Variants in MUC3A observed in about 807,000 individuals in gnomAD.
MUC3A encodes mucin-3A.
In MUC3A, 109 loss-of-function variants were observed where a neutral mutation model predicts 109.0. That is an observed-to-expected ratio of 1.00 (90% CI 0.86 to 1.17). The LOEUF is 1.17. Among genes scored for constraint, MUC3A ranks in the 50% most tolerant of loss-of-function variants. The pLI is 0.00. For missense variants in MUC3A, 3,537 were observed against 2,469.4 expected (o/e 1.43, Z -9.16); for synonymous variants, 1,398 against 981.4 (o/e 1.42, Z -7.93).
At chr7:100,962,304 G>C (rs1258725141) in intron 3 of MUC3A, among the ~76,000 whole-genome samples, 2 of 151,614 alleles carry the variant, frequency 1.3e-5, no homozygotes, top group South Asian at 4.2e-4. Context: ...TGTGGTCCCA[G>C]TTATTTGGAA....
chr7:100,953,581 T>A lies in MUC3A; in HGVS notation c.1802T>A (p.Phe601Tyr). 1 of 441,158 alleles carries A rather than the reference T, an allele frequency of 2.3e-6. No homozygotes were observed. Among genetic ancestry groups the A allele is most frequent in the Admixed American group, 4.0e-5 (1 of 24,910 alleles). 27.3% of individuals were successfully genotyped at this position (441,158 alleles called of 1,614,324 possible). A position where few individuals can be genotyped will look rare whatever the true frequency, so the allele number is the denominator to read the frequency against. The change falls in exon 2 of 12, where the codon TTC becomes TAC. Residue 601 changes from phenylalanine to tyrosine, a missense_variant. Phe to Tyr is a conservative substitution (Grantham distance 22, BLOSUM62 3). Transcript: ENST00000379458. ...AATTGTGQTT[F>Y]TSSTATFPET... The stretch of plus-strand genomic sequence containing the variant: ...ACTACAGGAACAGGTCAGACCACCT[T>A]CACCAGCTCTACAGCCACATTTCCT...
chr7:100,949,845 AGGGGGCGG>A (rs1791885539), intron 1 of MUC3A, among the ~76,000 whole-genome samples, 160 bp downstream of exon 1: 9 of 123,350 alleles, frequency 7.3e-5, no homozygotes, highest in South Asian at 5.2e-4. Context: ...TGACTGGGGG[AGGGGGCGG>A]TGAGGAGAGG....
chr7:100,952,571 T>A lies in MUC3A; in HGVS notation c.792T>A (p.Thr264=), dbSNP rs796687349. ...TSTSPITSSI[T]STNTVTSMTT... The stretch of plus-strand genomic sequence containing the variant: ...CTTCCCCCATCACTTCTTCAATCAC[T>A]TCCACAAATACAGTGACTTCTATGA... Residue 264 remains threonine (T), a synonymous_variant, in exon 2 of 12, where the codon ACT becomes ACA. Transcript: ENST00000379458. 5 of 1,598,486 alleles carry A rather than the reference T, an allele frequency of 3.1e-6. No individual in the cohort carries two copies. Among genetic ancestry groups the A allele is most frequent in the Non-Finnish European group, 4.2e-6 (5 of 1,179,742 alleles).
chr7:100,964,619 G>T (rs1358858503), intron 5 of MUC3A, 76 bp from the exon 6 acceptor site: 32 of 1,522,152 alleles, frequency 2.1e-5, no homozygotes, highest in Non-Finnish European at 2.6e-5. Context: ...TGCACTTTGG[G>T]TTGCTTCTGG....
At chr7:100,965,571 C>A in intron 7 of MUC3A, 133 bp from the exon 8 acceptor site, 1 of 1,474,500 alleles carries the variant, frequency 6.8e-7, no homozygotes. Flanking sequence ...TCATCGAATC[C>A]CAGGGTCTAC....
chr7:100,957,830 G>T lies in MUC3A; in HGVS notation c.6051G>T (p.Glu2017Asp). The T allele has an allele frequency of 3.6e-6, 3 of 834,384 alleles. No individual in the cohort carries two copies. The highest frequency in any genetic ancestry group is 4.1e-6 in the Non-Finnish European group (2 of 484,836). 51.7% of individuals were successfully genotyped at this position (834,384 alleles called of 1,614,324 possible). A position where few individuals can be genotyped will look rare whatever the true frequency, so the allele number is the denominator to read the frequency against. The change falls in exon 2 of 12, where the codon GAG becomes GAT. Residue 2017 changes from glutamate (E) to aspartate (D), a missense_variant. Physicochemically the swap from Glu to Asp is conservative, Grantham distance 45. Transcript: ENST00000379458. ...TCACTTCTTCCATCACCACCACTGAGACCACATCCCACAATACTCCCAGCT... is the reference window on the plus strand; with the variant it reads ...TCACTTCTTCCATCACCACCACTGATACCACATCCCACAATACTCCCAGCT... ...PSFTSSITTT[E>D]TTSHNTPSLT...
chr7:100,952,952 C>G lies in MUC3A; in HGVS notation c.1173C>G (p.Thr391=). ...TTPMTNLVTT[T]TEISSHSTPS... ...CTATGACAAACTTGGTAACCACCAC[C>G]ACTGAGATCTCCTCCCACAGTACTC... Residue 391 remains threonine (T), a synonymous_variant, in exon 2 of 12, where the codon ACC becomes ACG. Coordinates refer to ENST00000379458, the MANE Select transcript of MUC3A (RefSeq NM_005960.2). 6.3e-7 allele frequency: 1 copy of G among 1,589,182 alleles called. No homozygotes were observed.
Position 100,960,268 on chromosome 7 carries a change from A to G in MUC3A, c.8489A>G (p.Asp2830Gly). 1 of 1,598,548 alleles carries G rather than the reference A, an allele frequency of 6.3e-7. No homozygotes were observed. The highest frequency in any genetic ancestry group is 2.2e-5 in the East Asian group (1 of 44,890). Residue 2830 changes from aspartate (D) to glycine (G), a missense_variant, in exon 2 of 12, where the codon GAC becomes GGC. Physicochemically the swap from Asp to Gly is moderately conservative, Grantham distance 94. Coordinates refer to ENST00000379458, the MANE Select transcript of MUC3A (RefSeq NM_005960.2). ...SIQTTLTTYM[D>G]TSSMMPESES... Reference sequence around the variant, plus strand: ...CAAACTACTCTTACTACATATATGGACACTTCTTCCATGATGCCAGAAAGT... The same window carrying G: ...CAAACTACTCTTACTACATATATGGGCACTTCTTCCATGATGCCAGAAAGT...
intron 4 of MUC3A, among the ~76,000 whole-genome samples, chr7:100,963,480 T>A (rs967970173): frequency 5.3e-5 from 8 of 152,308 alleles, no homozygotes; most frequent in Non-Finnish European, 1.0e-4. Context: ...AGAGACGGGT[T>A]TTCACTATGT....
Position 100,954,024 on chromosome 7 carries a change from G to T in MUC3A, c.2245G>T (p.Val749Phe). The T allele has an allele frequency of 2.1e-6, 1 of 479,572 alleles. No individual in the cohort carries two copies. The allele number at this position is 479,572 out of a possible 1,614,324, so 29.7% of individuals were successfully genotyped here. Residue 749 changes from valine (V) to phenylalanine (F), a missense_variant, in exon 2 of 12, where the codon GTC (valine) becomes TTC (phenylalanine). Val to Phe is a conservative substitution (Grantham distance 50, BLOSUM62 -1). Coordinates refer to ENST00000379458, the MANE Select transcript of MUC3A (RefSeq NM_005960.2). The stretch of plus-strand genomic sequence containing the variant: ...CTCTCTTCCACCCACCTCTCCCTTG[G>T]TCTCAACTGCAAAAACAGCCAAAAC... ...ATSLPPTSPL[V>F]STAKTAKTPT... is the part of the protein sequence containing the mutation.
Position 100,967,417 on chromosome 7 carries a change from C to A in MUC3A, c.*255C>A, listed in dbSNP as rs1792637527. ...TCAGTAACGAGCCTCAGTTTCCTCACCTGCAAAACGGGTACAGCATTCCTG... is the reference window on the plus strand; with the variant it reads ...TCAGTAACGAGCCTCAGTTTCCTCAACTGCAAAACGGGTACAGCATTCCTG... On this transcript the variant is annotated 3_prime_UTR_variant, in exon 12 of 12. Transcript: ENST00000379458. The A allele has an allele frequency of 1.6e-5, 10 of 612,812 alleles. No homozygotes were observed. The highest frequency in any genetic ancestry group is 4.3e-4 in the Middle Eastern group (1 of 2,352). The allele number at this position is 612,812 out of a possible 1,614,324, so 38.0% of individuals were successfully genotyped here. A position where few individuals can be genotyped will look rare whatever the true frequency, so the allele number is the denominator to read the frequency against.
chr7:100,964,612 A>T (rs1438548568), intron 5 of MUC3A, 83 bp from the exon 6 acceptor site: 5 of 1,517,110 alleles, frequency 3.3e-6, no homozygotes, highest in Non-Finnish European at 4.4e-6. Context: ...CTTCTGGTGC[A>T]CTTTGGGTTG....
At position 100,959,275 on chromosome 7, in the gene MUC3A, C is replaced by T. The variant is rs747818386; in HGVS notation, c.7496C>T (p.Thr2499Ile). The change falls in exon 2 of 12, where the codon ACC becomes ATC. Residue 2499 changes from threonine to isoleucine, a missense_variant. Physicochemically the swap from Thr to Ile is moderately conservative, Grantham distance 89. Transcript: ENST00000379458. ...ACTCTCACCCCTTCGTCTGTGGGCACCAGCACTTCATTGACTACAACCACA... is the reference window on the plus strand; with the variant it reads ...ACTCTCACCCCTTCGTCTGTGGGCATCAGCACTTCATTGACTACAACCACA... ...LRTLTPSSVGTSTSLTTTTDF... is the reference protein window; with the variant it reads ...LRTLTPSSVGISTSLTTTTDF... The T allele has an allele frequency of 1.9e-6, 3 of 1,591,508 alleles. No individual in the cohort carries two copies. The highest frequency in any genetic ancestry group is 2.6e-6 in the Non-Finnish European group (3 of 1,175,650).
At chr7:100,963,874 A>G in intron 5 of MUC3A, 122 bp downstream of exon 5, 1 of 1,403,530 alleles carries the variant, frequency 7.1e-7, no homozygotes, top group Non-Finnish European at 9.8e-7. Context: ...GGGGGTACAT[A>G]AGGAATCACT....
intron 3 of MUC3A, 60 bp from the exon 4 acceptor site, chr7:100,963,091 T>TG: frequency 6.4e-7 from 1 of 1,558,688 alleles, no homozygotes; most frequent in Non-Finnish European, 8.6e-7. Context: ...GGTGGTGGTG[T>TG]TGGTGGCTTC....
rs1791880205 is a variant in MUC3A at position 100,949,694 on chromosome 7, G to C, written c.61+9G>C. Reference sequence around the variant, plus strand: ...CTCCCCGTGGGCCACAGGTAAGGGGGAGAGGCGGAAGGGGGTTGGAGAAAA... The same window carrying C: ...CTCCCCGTGGGCCACAGGTAAGGGGCAGAGGCGGAAGGGGGTTGGAGAAAA... On this transcript the variant is annotated intron_variant, in intron 1 of 11. Coordinates refer to ENST00000379458, the MANE Select transcript of MUC3A (RefSeq NM_005960.2). 1 of 1,533,332 alleles carries C rather than the reference G, an allele frequency of 6.5e-7. No homozygotes were observed. The highest frequency in any genetic ancestry group is 8.7e-7 in the Non-Finnish European group (1 of 1,146,472). The allele number at this position is 1,533,332 out of a possible 1,614,324, so 95.0% of individuals were successfully genotyped here.
At position 100,959,336 on chromosome 7, in the gene MUC3A, A is replaced by G. The variant is rs112478789; in HGVS notation, c.7557A>G (p.Leu2519=). Residue 2519 remains leucine (L), a synonymous_variant, in exon 2 of 12, where the codon TTA becomes TTG. Coordinates refer to ENST00000379458, the MANE Select transcript of MUC3A (RefSeq NM_005960.2). The part of the protein sequence containing the change: ...FPSIPTDIST[L]PTRTHIISSS... ...CTATACCCACTGATATCAGTACCTT[A>G]CCAACTCGAACACACATCATTTCAT... 1.9e-3 allele frequency: 2,925 copies of G among 1,551,146 alleles called. No homozygotes were observed. In the African/African-American group the frequency reaches 0.03, roughly 16 times the overall value.
chr7:100,961,285 G>A (rs1253083556), intron 3 of MUC3A, among the ~76,000 whole-genome samples: 1 of 152,312 alleles, frequency 6.6e-6, no homozygotes, highest in Non-Finnish European at 1.5e-5. Context: ...TGATGTGGGT[G>A]TCACTGGGCT....
chr7:100,953,714 T>A lies in MUC3A; in HGVS notation c.1935T>A (p.Thr645=). ...CAGTCACTTCCACAAATACAGTGAC[T>A]TCTATGACAACTACGACCTCTCCTC... ...TSSVTSTNTV[T]SMTTTTSPPT... The change falls in exon 2 of 12, where the codon ACT becomes ACA. Residue 645 remains threonine (T), a synonymous_variant. Transcript: ENST00000379458. 1 of 457,118 alleles carries A rather than the reference T, an allele frequency of 2.2e-6. No individual in the cohort carries two copies. Among genetic ancestry groups the A allele is most frequent in the Non-Finnish European group, 3.9e-6 (1 of 259,192 alleles). The allele number at this position is 457,118 out of a possible 1,614,324, so 28.3% of individuals were successfully genotyped here. A position where few individuals can be genotyped will look rare whatever the true frequency, so the allele number is the denominator to read the frequency against.
Sources: gnomAD v4.1 joint callset for allele counts (sites outside exome capture counted in the v4.1 genomes callset) on GRCh38, gnomAD v4.1.1 for gene constraint, MANE v1.5 for transcripts, NCBI Gene and HGNC (gene_info 2026-07-23, HGNC 2026-07-21) for gene names.